Variants in ZNF717 observed in about 807,000 individuals in gnomAD.
ZNF717 encodes krueppel-like factor X17.
A neutral mutation model predicts 13.8 loss-of-function variants in ZNF717; 9 were observed. The observed-to-expected ratio is 0.65, with a 90% CI of 0.39 to 1.14. The LOEUF (loss-of-function observed/expected upper bound fraction) is 1.14. ZNF717 is among the 50% of genes most tolerant of loss of function. The pLI is 0.01. For missense variants in ZNF717, 1,040 were observed against 1,080.7 expected (o/e 0.96, Z 0.53); for synonymous variants, 327 against 364.1 (o/e 0.90, Z 1.16).
At chr3:75,709,410 G>A (rs9858024), downstream of ZNF717, among the ~76,000 whole-genome samples, 62,903 of 151,744 alleles carry the variant, frequency 0.41, 13,444 homozygotes, top group South Asian at 0.61. Flanking sequence ...ATCCAGTCAT[G>A]TCCCCAGGCC....
exon 6 of ZNF717, chr3:75,710,632 C>A (rs1430991102): frequency 6.6e-6 from 1 of 152,120 alleles, no homozygotes; most frequent in Non-Finnish European, 1.5e-5. Context: ...TTGGTCATGA[C>A]ATCAGTTGGT....
At chr3:75,762,694 C>T (rs1943136138) in intron 2 of ZNF717, among the ~76,000 whole-genome samples, 1 of 152,014 alleles carries the variant, frequency 6.6e-6, no homozygotes. Flanking sequence ...TTTTGATAAA[C>T]AGAAAAACCC....
chr3:75,742,798 A>G (rs1940641959), intron 2 of ZNF717, among the ~76,000 whole-genome samples: 1 of 152,206 alleles, frequency 6.6e-6, no homozygotes, highest in Admixed American at 6.5e-5. Flanking sequence ...ATCCATGGGG[A>G]CTGATTCCAA....
At chr3:75,744,093 C>G (rs76226895) in intron 2 of ZNF717, among the ~76,000 whole-genome samples, 1,024 of 151,322 alleles carry the variant, frequency 6.8e-3, no homozygotes, top group African/African-American at 0.023. Flanking sequence ...AACATTTACA[C>G]AGGAAGAGAA....
At position 75,736,709 on chromosome 3, in the gene ZNF717, CT is replaced by C. The variant is rs1939276424; in HGVS notation, c.*168del. 1 of 648,668 alleles carries C rather than the reference CT, an allele frequency of 1.5e-6. No individual in the cohort carries two copies. Among genetic ancestry groups the C allele is most frequent in the African/African-American group, 1.8e-5 (1 of 54,742 alleles). 40.2% of individuals were successfully genotyped at this position (648,668 alleles called of 1,614,324 possible). On this transcript the variant is annotated 3_prime_UTR_variant, in exon 5 of 5. Transcript: ENST00000652011. The stretch of plus-strand genomic sequence containing the variant: ...CTGTGACATTAAAGTGCAAAGTGTG[CT>C]GTAAAAATGGGAACAACAAAGCCTG...
At chr3:75,775,524 G>A (rs1944242033) in intron 2 of ZNF717, among the ~76,000 whole-genome samples, 1 of 152,156 alleles carries the variant, frequency 6.6e-6, no homozygotes, top group African/African-American at 2.4e-5. Context: ...TTCCCCATAA[G>A]TTCCCCGATT....
intron 2 of ZNF717, among the ~76,000 whole-genome samples, chr3:75,770,795 T>G (rs1943821334): frequency 1.3e-5 from 2 of 151,904 alleles, no homozygotes; most frequent in Non-Finnish European, 2.9e-5. Context: ...CAACAGAGAG[T>G]TAAACCTATG....
chr3:75,774,995 CTT>C (rs1402185459), intron 2 of ZNF717, among the ~76,000 whole-genome samples: 1 of 148,882 alleles, frequency 6.7e-6, no homozygotes, highest in Non-Finnish European at 1.5e-5. Flanking sequence ...GAGTTTCGCT[CTT>C]GTCACCCAGG....
At chr3:75,720,297 A>C (rs1330641184) in intron 4 of ZNF717, among the ~76,000 whole-genome samples, 2 of 152,212 alleles carry the variant, frequency 1.3e-5, no homozygotes, top group Non-Finnish European at 2.9e-5. Flanking sequence ...ATGGAATACT[A>C]TGCAGCCATA....
intron 6 of ZNF717, among the ~76,000 whole-genome samples, chr3:75,697,872 G>A (rs1937621089): frequency 6.6e-6 from 1 of 152,306 alleles, no homozygotes. Flanking sequence ...GAGACTGGTT[G>A]AATGGCTGTG....
chr3:75,703,020 C>T (rs201497009), intron 6 of ZNF717, among the ~76,000 whole-genome samples: 1 of 152,424 alleles, frequency 6.6e-6, no homozygotes, highest in South Asian at 2.1e-4. Context: ...GAGACAAACA[C>T]TAGTTTTCTT....
chr3:75,717,258 T>C (rs1286400393), intron 4 of ZNF717, among the ~76,000 whole-genome samples: 1 of 152,250 alleles, frequency 6.6e-6, no homozygotes, highest in Non-Finnish European at 1.5e-5. Context: ...GATAGGTATG[T>C]CAACAAATGA....
intron 2 of ZNF717, among the ~76,000 whole-genome samples, chr3:75,742,760 C>T (rs1474805486): frequency 3.9e-5 from 6 of 152,144 alleles, no homozygotes; most frequent in Admixed American, 1.3e-4. Context: ...ATGCACCTAT[C>T]GTTTTTACAT....
chr3:75,717,017 C>G (rs79192673), intron 4 of ZNF717, among the ~76,000 whole-genome samples: 1 of 152,210 alleles, frequency 6.6e-6, no homozygotes, highest in Non-Finnish European at 1.5e-5. Context: ...CAATTGCAGA[C>G]ACTGTGCAGT....
rs568199608 is a variant in ZNF717, at chr3:75,737,123, T to C, written c.2500A>G (p.Arg834Gly). ...AAGGGTTTTTCCCCTGTGTGAGTTCTGTGATGTACAAAGAGTTTTGACTTC... is the reference window on the plus strand; with the variant it reads ...AAGGGTTTTTCCCCTGTGTGAGTTCCGTGATGTACAAAGAGTTTTGACTTC... ...SQKSKLFVHH[R>G]THTGEKPFRC... The change falls in exon 5 of 5, where the codon AGA becomes GGA. Residue 834 changes from arginine (R) to glycine (G), a missense_variant. Arg to Gly is a moderately radical substitution (Grantham distance 125). Transcript: ENST00000652011. 1.3e-6 allele frequency: 2 copies of C among 1,570,164 alleles called. No individual in the cohort carries two copies. The highest frequency in any genetic ancestry group is 1.9e-5 in the Admixed American group (1 of 52,704).
chr3:75,711,572 G>A (rs1252759723), intron 5 of ZNF717, among the ~76,000 whole-genome samples: 2 of 152,148 alleles, frequency 1.3e-5, no homozygotes, highest in African/African-American at 2.4e-5. Flanking sequence ...GAGGCAGGTA[G>A]ATCACTTCAA....
chr3:75,720,962 G>C (rs1210621756), intron 4 of ZNF717, among the ~76,000 whole-genome samples: 1 of 151,902 alleles, frequency 6.6e-6, no homozygotes, highest in East Asian at 1.9e-4. Context: ...TGAAATTCTA[G>C]TACTTTTCAA....
chr3:75,781,951 C>G (rs1268047711), intron 2 of ZNF717, among the ~76,000 whole-genome samples: 1 of 152,064 alleles, frequency 6.6e-6, no homozygotes, highest in South Asian at 2.1e-4. Context: ...GTTGCTGCAG[C>G]TAGAATCCCC....
At chr3:75,745,781 C>A (rs73117263) in intron 2 of ZNF717, among the ~76,000 whole-genome samples, 1 of 151,436 alleles carries the variant, frequency 6.6e-6, no homozygotes, top group African/African-American at 2.4e-5. Flanking sequence ...CCATGTTGTT[C>A]AAAAATGACA....
Sources: allele counts gnomAD v4.1 joint callset (sites outside exome capture counted in the v4.1 genomes callset), GRCh38; gene constraint gnomAD v4.1.1; transcripts MANE v1.5; gene names NCBI Gene and HGNC (gene_info 2026-07-23, HGNC 2026-07-21).